Variants in LRCH1 observed in about 807,000 individuals in gnomAD.
LRCH1 encodes the protein leucine-rich repeat and calponin homology domain-containing protein 1.
In LRCH1, 23 loss-of-function variants were observed where a neutral mutation model predicts 94.9. The ratio of observed to expected loss-of-function variants is 0.24; its 90% CI spans 0.17 to 0.34. The LOEUF is 0.34. Among genes scored for constraint, LRCH1 ranks in the 10% least tolerant of loss-of-function variants. The probability of loss-of-function intolerance (pLI) is 1.00; values close to 1 mark genes in which losing one functional copy is unlikely to be tolerated. For missense variants in LRCH1, 790 were observed against 945.9 expected (o/e 0.84, Z 2.16); for synonymous variants, 364 against 354.9 (o/e 1.03, Z -0.29).
intron 13 of LRCH1, among the ~76,000 whole-genome samples, chr13:46,711,475 C>A (rs1162103192): frequency 6.6e-6 from 1 of 152,162 alleles, no homozygotes; most frequent in Non-Finnish European, 1.5e-5. Context: ...AGGATGGGAA[C>A]CAGCAGGCAG....
At chr13:46,557,998 C>T (rs962070562) in intron 1 of LRCH1, among the ~76,000 whole-genome samples, 3 of 152,192 alleles carry the variant, frequency 2.0e-5, no homozygotes, top group African/African-American at 7.2e-5. Context: ...GATCGCGCCA[C>T]TGCACTCCAG....
intron 1 of LRCH1, among the ~76,000 whole-genome samples, chr13:46,588,596 C>CTT (rs139602811): frequency 3.6e-4 from 36 of 100,158 alleles, no homozygotes; most frequent in South Asian, 6.8e-4. Flanking sequence ...CTCTCTCTGT[C>CTT]TTTTTTTTTT....
At chr13:46,605,139 C>T (rs565283595) in intron 1 of LRCH1, among the ~76,000 whole-genome samples, 20 of 152,298 alleles carry the variant, frequency 1.3e-4, no homozygotes, top group African/African-American at 4.8e-4. Flanking sequence ...GTCACCTGTC[C>T]TTTCCAAATC....
At chr13:46,670,140 C>T (rs1483329194) in intron 3 of LRCH1, among the ~76,000 whole-genome samples, 1 of 152,206 alleles carries the variant, frequency 6.6e-6, no homozygotes, top group East Asian at 1.9e-4. Flanking sequence ...TACGTATCAA[C>T]TTTGACTTTA....
intron 1 of LRCH1, among the ~76,000 whole-genome samples, chr13:46,638,945 C>G (rs1364775038): frequency 6.6e-6 from 1 of 152,032 alleles, no homozygotes; most frequent in Admixed American, 6.6e-5. Flanking sequence ...AAAAGAAAAT[C>G]TAAGAAATTG....
At chr13:46,639,308 TG>T (rs1162036206) in intron 1 of LRCH1, among the ~76,000 whole-genome samples, 1 of 152,210 alleles carries the variant, frequency 6.6e-6, no homozygotes, top group African/African-American at 2.4e-5. Context: ...AATGTAAATT[TG>T]GGCATGCAGA....
chr13:46,626,921 A>G (rs2050957532), intron 1 of LRCH1, among the ~76,000 whole-genome samples: 1 of 152,212 alleles, frequency 6.6e-6, no homozygotes, highest in Non-Finnish European at 1.5e-5. Flanking sequence ...ATTATAAATG[A>G]GATGAACACC....
intron 19 of LRCH1, among the ~76,000 whole-genome samples, chr13:46,734,621 A>C (rs1455998403): frequency 6.6e-6 from 1 of 152,142 alleles, no homozygotes; most frequent in Non-Finnish European, 1.5e-5. Flanking sequence ...TTCTCTCTCC[A>C]ACCTCGGACC....
At chr13:46,559,218 ATG>A (rs2050103513) in intron 1 of LRCH1, among the ~76,000 whole-genome samples, 1 of 152,174 alleles carries the variant, frequency 6.6e-6, no homozygotes, top group Non-Finnish European at 1.5e-5. Flanking sequence ...TTGAAATCAC[ATG>A]TGTTTCCTTA....
At chr13:46,584,488 C>G (rs2050408572) in intron 1 of LRCH1, among the ~76,000 whole-genome samples, 1 of 152,160 alleles carries the variant, frequency 6.6e-6, no homozygotes. Context: ...ACTATTTTTC[C>G]TGTTATCACA....
chr13:46,705,519 T>C (rs771455761), intron 13 of LRCH1: 3 of 682,242 alleles, frequency 4.4e-6, no homozygotes, highest in Non-Finnish European at 8.0e-6. Flanking sequence ...AAGATGAGAG[T>C]TGGCTATTTC....
At position 46,688,021 on chromosome 13, in the gene LRCH1, C is replaced by T. The variant is rs1380483809; in HGVS notation, c.950+42C>T. ...TTCAAAGCCCCAGTTTAAAATTTGC[C>T]TAGGCCAAGGCCCTCCAGGTAGCTG... On this transcript the variant is annotated intron_variant, in intron 6 of 19. Transcript: ENST00000389797. The T allele has an allele frequency of 1.5e-5, 23 of 1,584,304 alleles. No homozygotes were observed. The African/African-American group carries it at 3.1e-4, about 21-fold the overall frequency.
intron 19 of LRCH1, among the ~76,000 whole-genome samples, chr13:46,736,389 C>T (rs74964848): frequency 0.016 from 2,434 of 152,122 alleles, 69 homozygotes; most frequent in African/African-American, 0.052. Flanking sequence ...AATGTTTTTA[C>T]CTTAGGAATA....
At chr13:46,721,389 T>C (rs1050599452) in intron 16 of LRCH1, among the ~76,000 whole-genome samples, 1 of 152,234 alleles carries the variant, frequency 6.6e-6, no homozygotes, top group Non-Finnish European at 1.5e-5. Context: ...TCTTGACCTT[T>C]TTTTGGTAAA....
At position 46,701,136 on chromosome 13, in the gene LRCH1, A is replaced by G. The variant is rs1280714404; in HGVS notation, c.1329A>G (p.Lys443=). The G allele has an allele frequency of 3.1e-6, 5 of 1,611,744 alleles. No homozygotes were observed. Among genetic ancestry groups the G allele is most frequent in the Admixed American group, 3.3e-5 (2 of 59,948 alleles). The change falls in exon 11 of 20, where the codon AAA becomes AAG. Residue 443 remains lysine (K), a synonymous_variant. Transcript: ENST00000389797. ...CACGTTACAGAATAAGTTCATCCAA[A>G]GATCAGGACATGGATATAGCAATGA... ...WQTEGIISSS[K]DQDMDIAMIE...
intron 2 of LRCH1, among the ~76,000 whole-genome samples, chr13:46,667,898 TTCTG>T (rs2051541936): frequency 6.6e-6 from 1 of 152,228 alleles, no homozygotes; most frequent in Admixed American, 6.5e-5. Flanking sequence ...TGTATTTCCA[TTCTG>T]TCTGTCTCTC....
intron 1 of LRCH1, among the ~76,000 whole-genome samples, chr13:46,591,490 C>T (rs1422020209): frequency 6.6e-6 from 1 of 151,912 alleles, no homozygotes; most frequent in African/African-American, 2.4e-5. Flanking sequence ...ATTCTGAATA[C>T]GCACTTCATA....
In LRCH1 at chr13:46,602,978, G is replaced by GCATGCATGCATACATACATACATA. The variant is rs142972823; in HGVS notation, c.308-47220_308-47219insGCATGCATACATACATACATACAT. 4.0e-5 allele frequency among the ~76,000 whole-genome samples: 6 copies of GCATGCATGCATACATACATACATA among 149,934 alleles called. No homozygotes were observed. In the East Asian group the frequency reaches 8.0e-4, roughly 20 times the overall value. On this transcript the variant is annotated intron_variant, in intron 1 of 19. Coordinates refer to ENST00000389797, the MANE Select transcript of LRCH1 (RefSeq NM_001164211.2). ...TACATACATGCATACATACATGCAT[G>GCATGCATGCATACATACATACATA]CATACATACATACATACATACATAC...
intron 1 of LRCH1, among the ~76,000 whole-genome samples, chr13:46,565,117 CAAAT>C (rs2050168249): frequency 6.6e-6 from 1 of 152,164 alleles, no homozygotes; most frequent in Non-Finnish European, 1.5e-5. Flanking sequence ...TTGTGAGGAA[CAAAT>C]GAATACATAT....
Sources: gnomAD v4.1 joint callset for allele counts (sites outside exome capture counted in the v4.1 genomes callset) on GRCh38, gnomAD v4.1.1 for gene constraint, MANE v1.5 for transcripts, NCBI Gene and HGNC (gene_info 2026-07-23, HGNC 2026-07-21) for gene names.